Variants in PTPRJ observed in about 807,000 individuals in gnomAD.
PTPRJ encodes the protein protein tyrosine phosphatase receptor type J.
A neutral mutation model predicts 141.3 loss-of-function variants in PTPRJ; 129 were observed. That is an observed-to-expected ratio of 0.91 (90% CI 0.79 to 1.06). PTPRJ has a LOEUF of 1.06. Among genes scored for constraint, PTPRJ ranks in the 50% least tolerant of loss-of-function variants. PTPRJ has a pLI of 0.00. For missense variants in PTPRJ, 1,601 were observed against 1,679.7 expected, an observed-to-expected ratio of 0.95 and a Z score of 0.82; for synonymous variants, 610 against 640.5, an observed-to-expected ratio of 0.95 and a Z score of 0.72.
chr11:48,095,867 C>T (rs1157230574), intron 1 of PTPRJ, among the ~76,000 whole-genome samples: 2 of 152,200 alleles, frequency 1.3e-5, no homozygotes, highest in African/African-American at 4.8e-5. Context: ...AGGCATGAGC[C>T]ACCATGCCCT....
At chr11:48,048,635 A>G (rs1854471302) in intron 1 of PTPRJ, among the ~76,000 whole-genome samples, 1 of 152,066 alleles carries the variant, frequency 6.6e-6, no homozygotes, top group Non-Finnish European at 1.5e-5. Context: ...CTCTACTAAA[A>G]ATACAAAAAT....
intron 1 of PTPRJ, among the ~76,000 whole-genome samples, chr11:47,981,840 T>C (rs7106731): frequency 6.6e-6 from 1 of 151,968 alleles, no homozygotes; most frequent in Non-Finnish European, 1.5e-5. Flanking sequence ...AGAAGTGAAA[T>C]AGCGGAGCAC....
At position 48,168,585 on chromosome 11, in the gene PTPRJ, C is replaced by G. The variant is rs1484940376; in HGVS notation, c.*1223C>G. 2.1e-5 allele frequency: 2 copies of G among 94,274 alleles called. No individual in the cohort carries two copies. Among genetic ancestry groups the G allele is most frequent in the Admixed American group, 2.4e-4 (2 of 8,422 alleles). The allele number at this position is 94,274 out of a possible 1,614,324, so 5.8% of individuals were successfully genotyped here. A position where few individuals can be genotyped will look rare whatever the true frequency, so the allele number is the denominator to read the frequency against. ...ATATATATATATATATATATATACA[C>G]TAAGCTCTCAAAAACAGTCATTCCT... On this transcript the variant is annotated 3_prime_UTR_variant, in exon 25 of 25. Transcript: ENST00000418331.
intron 1 of PTPRJ, among the ~76,000 whole-genome samples, chr11:48,109,307 A>G (rs1856379070): frequency 6.6e-6 from 1 of 152,144 alleles, no homozygotes; most frequent in South Asian, 2.1e-4. Context: ...CTTATTCACC[A>G]AAAAGGTGTG....
intron 14 of PTPRJ, among the ~76,000 whole-genome samples, chr11:48,145,454 A>G (rs1376580512): frequency 6.6e-6 from 1 of 152,160 alleles, no homozygotes; most frequent in Non-Finnish European, 1.5e-5. Context: ...TGAATCCTTA[A>G]ATAGTAGAAT....
At position 47,980,655 on chromosome 11, in the gene PTPRJ, C is replaced by T; in HGVS notation, c.-258C>T. On this transcript the variant is annotated 5_prime_UTR_variant, in exon 1 of 25. Transcript: ENST00000418331. The stretch of plus-strand genomic sequence containing the variant: ...CTGGGGGTGGGCGCCGCTCGCTCCG[C>T]CCCGCGAAGCCCCTGCGCGCTCAGG... 2.0e-6 allele frequency: 2 copies of T among 985,352 alleles called. No individual in the cohort carries two copies. Among genetic ancestry groups the T allele is most frequent in the Non-Finnish European group, 2.4e-6 (2 of 831,006 alleles). 61.0% of individuals were successfully genotyped at this position (985,352 alleles called of 1,614,324 possible). A position where few individuals can be genotyped will look rare whatever the true frequency, so the allele number is the denominator to read the frequency against.
chr11:48,062,759 C>T (rs1384336069), intron 1 of PTPRJ, among the ~76,000 whole-genome samples: 2 of 152,156 alleles, frequency 1.3e-5, no homozygotes, highest in African/African-American at 4.8e-5. Flanking sequence ...CATATTCTCC[C>T]ATTTAATCAT....
chr11:48,142,834 GA>G, intron 11 of PTPRJ, 84 bp from the exon 12 acceptor site: 1 of 1,448,090 alleles, frequency 6.9e-7, no homozygotes, highest in East Asian at 2.5e-5. Context: ...AGATCTTGAG[GA>G]GGTTGCTGAA....
Position 47,998,121 on chromosome 11 carries a change from A to AC in PTPRJ, c.96+17113_96+17114insC, listed in dbSNP as rs1424877881. Among the ~76,000 whole-genome samples, 664 of 143,122 alleles carry AC rather than the reference A, an allele frequency of 4.6e-3. 9 individuals carry two copies. Among genetic ancestry groups the AC allele is most frequent in the African/African-American group, 0.017 (652 of 39,282 alleles). 93.9% of individuals were successfully genotyped at this position (143,122 alleles called of 152,430 possible). On this transcript the variant is annotated intron_variant, in intron 1 of 24. Coordinates refer to ENST00000418331, the MANE Select transcript of PTPRJ (RefSeq NM_002843.4). ...GACTTGGTCAGAACTTCAATCCTTG[A>AC]TTTTTTTTTTTTTTTAACCCGAATT... is the stretch of plus-strand genomic sequence containing the variant.
Position 48,167,321 on chromosome 11 carries a change from C to T in PTPRJ, c.3973C>T (p.Pro1325Ser), listed in dbSNP as rs749758564. The T allele has an allele frequency of 1.2e-6, 2 of 1,614,094 alleles. No homozygotes were observed. Among genetic ancestry groups the T allele is most frequent in the African/African-American group, 1.3e-5 (1 of 75,022 alleles). The part of the protein sequence containing the change: ...TAMTIYENLA[P>S]VTTFGKTNGY... ...AATGACAATCTATGAAAACCTTGCGCCCGTGACCACATTTGGAAAGACCAA... is the reference window on the plus strand; with the variant it reads ...AATGACAATCTATGAAAACCTTGCGTCCGTGACCACATTTGGAAAGACCAA... Residue 1325 changes from proline to serine, a missense_variant, in exon 25 of 25, where the codon CCC becomes TCC. Pro to Ser is a moderately conservative substitution (Grantham distance 74). Transcript: ENST00000418331.
chr11:47,995,810 C>T (rs940179834), intron 1 of PTPRJ, among the ~76,000 whole-genome samples: 11 of 152,118 alleles, frequency 7.2e-5, no homozygotes, highest in East Asian at 5.8e-4. Flanking sequence ...GAGGCTGAGG[C>T]GGGCGGATCA....
At chr11:48,038,831 C>T (rs1266675936) in intron 1 of PTPRJ, among the ~76,000 whole-genome samples, 1 of 147,148 alleles carries the variant, frequency 6.8e-6, no homozygotes, top group Non-Finnish European at 1.5e-5. Flanking sequence ...AATAAACTTG[C>T]TATCACTTTA....
rs763907962 is a variant in PTPRJ, at chr11:48,130,532, T to C, written c.1431T>C (p.His477=). 1 of 1,614,120 alleles carries C rather than the reference T, an allele frequency of 6.2e-7. No individual in the cohort carries two copies. Reference sequence around the variant, plus strand: ...AGATCGGCTTAGCATGGAGCAGCCATGATGCAGAATCATTTCAGATGCATA... The same window carrying C: ...AGATCGGCTTAGCATGGAGCAGCCACGATGCAGAATCATTTCAGATGCATA... ...TTEIGLAWSS[H]DAESFQMHIT... The change falls in exon 8 of 25, where the codon CAT becomes CAC. Residue 477 remains histidine (H), a synonymous_variant. Transcript: ENST00000418331.
At chr11:48,075,607 G>GTT (rs1165399404) in intron 1 of PTPRJ, among the ~76,000 whole-genome samples, 1 of 151,950 alleles carries the variant, frequency 6.6e-6, no homozygotes, top group African/African-American at 2.4e-5. Context: ...TTGTGTGTGT[G>GTT]TGTGTGGTGG....
intron 18 of PTPRJ, among the ~76,000 whole-genome samples, chr11:48,152,388 T>G (rs1242730080): frequency 2.6e-5 from 4 of 152,268 alleles, no homozygotes; most frequent in East Asian, 1.9e-4. Context: ...TTTCTCCCAT[T>G]CTGTAGGTTG....
At chr11:48,034,177 C>T (rs535868618) in intron 1 of PTPRJ, among the ~76,000 whole-genome samples, 6 of 152,232 alleles carry the variant, frequency 3.9e-5, no homozygotes, top group South Asian at 2.1e-4. Flanking sequence ...ACCATCTCCT[C>T]GAGATGGCAC....
chr11:48,012,492 T>C (rs1361018342), intron 1 of PTPRJ, among the ~76,000 whole-genome samples: 3 of 152,114 alleles, frequency 2.0e-5, no homozygotes, highest in Non-Finnish European at 4.4e-5. Flanking sequence ...CAGGAACTCG[T>C]GATCTAGTCG....
intron 1 of PTPRJ, among the ~76,000 whole-genome samples, chr11:48,066,526 G>T (rs182979519): frequency 6.5e-4 from 98 of 150,794 alleles, no homozygotes; most frequent in African/African-American, 2.3e-3. Context: ...AACTAGTCAG[G>T]GGCTGGTTTT....
At position 48,145,082 on chromosome 11, in the gene PTPRJ, T is replaced by C; in HGVS notation, c.2869T>C (p.Phe957Leu). Reference protein sequence around the residue: ...LIDGAESYVSFSRYSDAVSLP... With the variant: ...LIDGAESYVSLSRYSDAVSLP... ...TGATGGGGCTGAGAGCTATGTGTCC[T>C]TCAGTCGCTACTCAGATGCTGTTTC... The change falls in exon 14 of 25, where the codon TTC becomes CTC. Residue 957 changes from phenylalanine (F) to leucine (L), a missense_variant. By Grantham distance (22) the Phe-to-Leu change is conservative. Transcript: ENST00000418331. The C allele has an allele frequency of 6.2e-7, 1 of 1,614,218 alleles. No homozygotes were observed. The highest frequency in any genetic ancestry group is 8.5e-7 in the Non-Finnish European group (1 of 1,180,016).
Sources: allele counts gnomAD v4.1 joint callset (sites outside exome capture counted in the v4.1 genomes callset), GRCh38; gene constraint gnomAD v4.1.1; transcripts MANE v1.5; gene names NCBI Gene and HGNC (gene_info 2026-07-23, HGNC 2026-07-21).